The following CMTM1 variants were observed in gnomAD, a reference collection of about 807,000 sequenced individuals.
The protein encoded by CMTM1 is CKLF-like MARVEL transmembrane domain-containing protein 1.
Under a neutral mutation model 17.8 loss-of-function variants are expected in CMTM1, and 16 were observed. That is an observed-to-expected ratio of 0.90 (90% CI 0.61 to 1.37). CMTM1 has a LOEUF of 1.37. CMTM1 is among the 40% of genes most tolerant of loss of function. The pLI is 0.00. For synonymous variants in CMTM1, 169 were observed against 154.6 expected (o/e 1.09, Z -0.69); for missense variants, 354 against 375.6 (o/e 0.94, Z 0.47).
At chr16:66,573,089 C>G (rs59661627) in intron 2 of CMTM1, among the ~76,000 whole-genome samples, 7,691 of 152,250 alleles carry the variant, frequency 0.051, 317 homozygotes, top group East Asian at 0.12. Context: ...GGGAAAGACA[C>G]AGGTCCTGCT....
At chr16:66,573,503 G>A (rs573828815) in intron 2 of CMTM1, among the ~76,000 whole-genome samples, 78 of 152,212 alleles carry the variant, frequency 5.1e-4, no homozygotes, top group African/African-American at 1.8e-3. Context: ...CTGAGTTCTG[G>A]TGAAGCAGAT....
chr16:66,566,798 G>A lies in CMTM1; in HGVS notation c.285G>A (p.Thr95=), dbSNP rs750222024. 2 of 1,612,400 alleles carry A rather than the reference G, an allele frequency of 1.2e-6. No individual in the cohort carries two copies. Among genetic ancestry groups the A allele is most frequent in the Non-Finnish European group, 1.7e-6 (2 of 1,179,264 alleles). Residue 95 remains threonine (T), a synonymous_variant, in exon 1 of 4, where the codon ACG becomes ACA. Coordinates refer to ENST00000379500, the MANE Select transcript of CMTM1 (RefSeq NM_052999.4). This position sits in a 1 kb window ranked among gnomAD's most constrained non-coding sequence, Gnocchi z 4.9. ...CAAAGCCCACACTCCCACCCCCCAC[G>A]CCCTCTGCACACACTGAATCCAAAC... ...PPPKPTLPPP[T]PSAHTESKLL... is the part of the protein sequence containing the mutation.
At position 66,570,093 on chromosome 16, in the gene CMTM1, T is replaced by G. The variant is rs751571188; in HGVS notation, c.590T>G (p.Leu197Arg). The change falls in exon 2 of 4, where the codon CTT (leucine) becomes CGT (arginine). Residue 197 changes from leucine to arginine, a missense_variant and splice_region_variant. Leu to Arg is a moderately radical substitution (Grantham distance 102, BLOSUM62 -2). Coordinates refer to ENST00000379500, the MANE Select transcript of CMTM1 (RefSeq NM_052999.4). ...HLLTYLHWPLLDLTNSIITAV... is the reference protein window; with the variant it reads ...HLLTYLHWPLRDLTNSIITAV... Reference sequence around the variant, plus strand: ...CTGACCTATTTACATTGGCCCTTACTTGTAAGTGTTCATTTTTACAATTCT... The same window carrying G: ...CTGACCTATTTACATTGGCCCTTACGTGTAAGTGTTCATTTTTACAATTCT... 1.2e-5 allele frequency: 19 copies of G among 1,581,196 alleles called. 1 individual carries two copies. The Middle Eastern group carries it at 5.1e-4, about 42-fold the overall frequency.
At chr16:66,571,133 A>G (rs2013461640) in intron 2 of CMTM1, 1 of 457,354 alleles carries the variant, frequency 2.2e-6, no homozygotes, top group Non-Finnish European at 4.4e-6. Flanking sequence ...TCTCTGTCCC[A>G]CAGAATGCCG....
chr16:66,574,027 A>C (rs1381156209), intron 2 of CMTM1, among the ~76,000 whole-genome samples: 1 of 149,552 alleles, frequency 6.7e-6, no homozygotes, highest in East Asian at 1.9e-4. Context: ...TTTTTTTTTT[A>C]ATAATAAGCA....
intron 2 of CMTM1, chr16:66,575,011 C>G: frequency 1.0e-6 from 1 of 985,364 alleles, no homozygotes; most frequent in Non-Finnish European, 1.2e-6. Context: ...GGGCAGACCT[C>G]TCGCTCAGCC....
chr16:66,570,009 T>C lies in CMTM1; in HGVS notation c.506T>C (p.Leu169Pro), dbSNP rs1286486923. 1.9e-6 allele frequency: 3 copies of C among 1,612,670 alleles called. No homozygotes were observed. In the African/African-American group the frequency reaches 4.0e-5, roughly 21 times the overall value. ...GAGTCATTTATAACAATCACAAGTC[T>C]GGAAATCTGCATTGTCGTTTTTTTT... ...ANESFITITS[L>P]EICIVVFFIL... is the part of the protein sequence containing the mutation. The change falls in exon 2 of 4, where the codon CTG becomes CCG. Residue 169 changes from leucine to proline, a missense_variant. By Grantham distance (98) the Leu-to-Pro change is moderately conservative (BLOSUM62 -3). Transcript: ENST00000379500.
chr16:66,578,796 T>C (rs2014583854), intron 3 of CMTM1, 35 bp from the exon 4 acceptor site: 22 of 1,606,616 alleles, frequency 1.4e-5, no homozygotes, highest in Non-Finnish European at 1.9e-5. Flanking sequence ...AATAACCCCG[T>C]CTTTCCTTCC....
intron 2 of CMTM1, among the ~76,000 whole-genome samples, chr16:66,576,900 C>T (rs2014316394): frequency 6.6e-6 from 1 of 152,112 alleles, no homozygotes; most frequent in Non-Finnish European, 1.5e-5. Flanking sequence ...TTTCTACAGA[C>T]AAAGTCATAT....
rs2013248824 is a variant in CMTM1, at chr16:66,569,993, A to G, written c.490A>G (p.Ile164Val). ...FIITQANESFITITSLEICIV... is the reference protein window; with the variant it reads ...FIITQANESFVTITSLEICIV... ...CATCACCCAAGCCAATGAGTCATTTATAACAATCACAAGTCTGGAAATCTG... is the reference window on the plus strand; with the variant it reads ...CATCACCCAAGCCAATGAGTCATTTGTAACAATCACAAGTCTGGAAATCTG... The change falls in exon 2 of 4, where the codon ATA becomes GTA. Residue 164 changes from isoleucine to valine, a missense_variant. Physicochemically the swap from Ile to Val is conservative, Grantham distance 29. Transcript: ENST00000379500. 1 of 1,613,200 alleles carries G rather than the reference A, an allele frequency of 6.2e-7. No individual in the cohort carries two copies. Among genetic ancestry groups the G allele is most frequent in the Non-Finnish European group, 8.5e-7 (1 of 1,179,434 alleles).
intron 2 of CMTM1, chr16:66,571,378 A>T (rs1450685120): frequency 3.0e-6 from 1 of 336,568 alleles, no homozygotes; most frequent in African/African-American, 2.2e-5. Flanking sequence ...CTCACCCCTC[A>T]TTTAACAGAT....
chr16:66,578,808 G>T (rs781039970), intron 3 of CMTM1, 23 bp from the exon 4 acceptor site: 1 of 1,609,090 alleles, frequency 6.2e-7, no homozygotes, highest in Admixed American at 1.7e-5. Context: ...TTTCCTTCCC[G>T]CATATGGTCT....
At chr16:66,569,032 T>C (rs984738419) in intron 1 of CMTM1, among the ~76,000 whole-genome samples, 3 of 152,172 alleles carry the variant, frequency 2.0e-5, no homozygotes, top group Non-Finnish European at 4.4e-5. Flanking sequence ...AAAGCTTTCC[T>C]AGACAAATAA....
chr16:66,576,592 A>G (rs2014277337), intron 2 of CMTM1, among the ~76,000 whole-genome samples: 1 of 152,148 alleles, frequency 6.6e-6, no homozygotes, highest in Admixed American at 6.5e-5. Context: ...CACAGAATAA[A>G]TGTGGCCCAA....
chr16:66,567,264 C>T (rs1375710134), intron 1 of CMTM1: 3 of 423,416 alleles, frequency 7.1e-6, no homozygotes, highest in East Asian at 1.0e-4. Flanking sequence ...CCCATCAACT[C>T]GTCACCTACA....
intron 2 of CMTM1, among the ~76,000 whole-genome samples, chr16:66,572,389 CTG>C (rs1375449342): frequency 6.6e-6 from 1 of 152,176 alleles, no homozygotes; most frequent in African/African-American, 2.4e-5. Context: ...CTTTCAGATT[CTG>C]TGAGATGAAG....
rs753642081 is a variant in CMTM1 at position 66,566,877 on chromosome 16, T to G, written c.364T>G (p.Tyr122Asp). 1.2e-6 allele frequency: 2 copies of G among 1,613,810 alleles called. No individual in the cohort carries two copies. Among genetic ancestry groups the G allele is most frequent in the Non-Finnish European group, 1.7e-6 (2 of 1,179,970 alleles). The change falls in exon 1 of 4, where the codon TAC (tyrosine) becomes GAC (aspartate). Residue 122 changes from tyrosine to aspartate, a missense_variant. By Grantham distance (160) the Tyr-to-Asp change is radical (BLOSUM62 -3). Coordinates refer to ENST00000379500, the MANE Select transcript of CMTM1 (RefSeq NM_052999.4). This position sits in a 1 kb window ranked among gnomAD's most constrained non-coding sequence, Gnocchi z 4.9. ...CGTGGAGGGCCGAGCCAAAGTCCCG[T>G]ACAAATTCAGGGACAGCCTCAAACG... ...ERVEGRAKVP[Y>D]KFRDSLKRFS... is the part of the protein sequence containing the mutation.
At chr16:66,577,007 T>A in intron 2 of CMTM1, 97 bp from the exon 3 acceptor site, 1 of 1,065,444 alleles carries the variant, frequency 9.4e-7, no homozygotes, top group Non-Finnish European at 1.4e-6. Context: ...GAAGGTTTTT[T>A]AAAGGCATCT....
At chr16:66,575,266 C>T (rs1283485032) in intron 2 of CMTM1, 1 of 944,142 alleles carries the variant, frequency 1.1e-6, no homozygotes, top group Non-Finnish European at 1.3e-6. Flanking sequence ...GCACTCCCAC[C>T]AGCTACTAGA....
Sources: gnomAD v4.1 joint callset for allele counts (sites outside exome capture counted in the v4.1 genomes callset) on GRCh38, gnomAD v4.1.1 for gene constraint, Gnocchi (gnomAD v3.1) non-coding constraint, MANE v1.5 for transcripts, NCBI Gene and HGNC (gene_info 2026-07-23, HGNC 2026-07-21) for gene names.